The following KIF4A variants were observed in gnomAD, a reference collection of about 807,000 sequenced individuals.
KIF4A encodes kinesin family member 4A.
A neutral mutation model predicts 105.9 loss-of-function variants in KIF4A; 7 were observed. The ratio of observed to expected loss-of-function variants is 0.07; its 90% confidence interval spans 0.04 to 0.12. KIF4A has a LOEUF of 0.12. KIF4A is among the 10% of genes least tolerant of loss of function. KIF4A has a pLI of 1.00. For missense variants in KIF4A, 558 were observed against 929.2 expected (o/e 0.60, Z 5.19); for synonymous variants, 281 against 331.3 (o/e 0.85, Z 1.65).
At chrX:70,360,924 G>C (rs1040274792) in intron 15 of KIF4A, among the ~76,000 whole-genome samples, 1 of 112,959 alleles carries the variant, frequency 8.9e-6, no homozygotes, top group Non-Finnish European at 1.9e-5. Context: ...AGAAAGAGGA[G>C]GGCCCTCCCC....
chrX:70,395,114 C>T (rs926591186), intron 20 of KIF4A, among the ~76,000 whole-genome samples: 2 of 111,407 alleles, frequency 1.8e-5, no homozygotes, highest in African/African-American at 3.3e-5. Flanking sequence ...GGCGTGGTGG[C>T]GCGTGCTTGT....
intron 28 of KIF4A, among the ~76,000 whole-genome samples, chrX:70,414,387 G>T (rs1028114249): frequency 8.1e-5 from 9 of 111,344 alleles, no homozygotes; most frequent in African/African-American, 2.9e-4. Flanking sequence ...ACAAAGATGT[G>T]ACAGGAAAAA....
intron 28 of KIF4A, among the ~76,000 whole-genome samples, chrX:70,408,809 A>G (rs2086309946): frequency 8.9e-6 from 1 of 112,532 alleles, no homozygotes; most frequent in South Asian, 3.7e-4. Context: ...GAAGCCTACC[A>G]TAGAACCTCA....
At chrX:70,329,736 A>G (rs1372061070) in intron 8 of KIF4A, among the ~76,000 whole-genome samples, 1 of 112,342 alleles carries the variant, frequency 8.9e-6, no homozygotes, top group Non-Finnish European at 1.9e-5. Flanking sequence ...TCTGTAGTGC[A>G]CCAACTGTAC....
At chrX:70,366,984 G>T (rs190589008) in intron 15 of KIF4A, among the ~76,000 whole-genome samples, 211 of 112,073 alleles carry the variant, frequency 1.9e-3, no homozygotes, top group African/African-American at 6.5e-3. Context: ...TTGTTGAATT[G>T]ATCCCTTTAC....
At chrX:70,330,416 T>C (rs1268755571) in intron 9 of KIF4A, 84 bp downstream of exon 9, 6 of 931,447 alleles carry the variant, frequency 6.4e-6, no homozygotes, top group Non-Finnish European at 9.1e-6. Context: ...TTCTTCTTTA[T>C]CAGAAGTTTA....
At chrX:70,322,089 C>T (rs982823397) in intron 7 of KIF4A, among the ~76,000 whole-genome samples, 1 of 109,688 alleles carries the variant, frequency 9.1e-6, no homozygotes, top group East Asian at 2.9e-4. Flanking sequence ...TGTCACCCTC[C>T]CCCCCCAAAG....
At chrX:70,366,356 A>G (rs1246821535) in intron 15 of KIF4A, among the ~76,000 whole-genome samples, 2 of 111,680 alleles carry the variant, frequency 1.8e-5, no homozygotes, top group Admixed American at 9.5e-5. Context: ...TGCCAATTTT[A>G]GATCTTTCCT....
chrX:70,333,659 C>T lies in KIF4A; in HGVS notation c.1103C>T (p.Ala368Val), dbSNP rs767263154. 8.3e-7 allele frequency: 1 copy of T among 1,198,493 alleles called. No homozygotes were observed. The highest frequency in any genetic ancestry group is 1.1e-6 in the Non-Finnish European group (1 of 883,834). The change falls in exon 10 of 31, where the codon GCC becomes GTC. Residue 368 changes from alanine (A) to valine (V), a missense_variant. Ala to Val is a moderately conservative substitution (Grantham distance 64). Around this residue, in one of 2 missense-constraint regions of KIF4A, gnomAD observed 469 missense variants for 680.4 expected, o/e 0.69. Transcript: ENST00000374403. ...CAGCTACAAGTCTTGTTGCTACAGG[C>T]CCATGGAGGTACCCTGCCTGGATCT... ...VQQLQVLLLQAHGGTLPGSIT... is the reference protein window; with the variant it reads ...VQQLQVLLLQVHGGTLPGSIT...
At chrX:70,415,861 CTTTTTTTTTTT>C (rs1162374099) in intron 28 of KIF4A, among the ~76,000 whole-genome samples, 11 of 57,436 alleles carry the variant, frequency 1.9e-4, no homozygotes, top group East Asian at 5.2e-4. Flanking sequence ...TGCATTATTT[CTTTTTTTTTTT>C]TTTTTTTTTT....
At chrX:70,310,879 A>T (rs1041644370) in intron 7 of KIF4A, among the ~76,000 whole-genome samples, 1 of 111,137 alleles carries the variant, frequency 9.0e-6, no homozygotes, top group Non-Finnish European at 1.9e-5. Context: ...TAATCTCAGC[A>T]TTTTGGGAGG....
At chrX:70,336,885 C>G (rs1278965600) in intron 10 of KIF4A, among the ~76,000 whole-genome samples, 1 of 111,438 alleles carries the variant, frequency 9.0e-6, no homozygotes, top group Non-Finnish European at 1.9e-5. Context: ...AACTCTATAC[C>G]CACTAAACAA....
chrX:70,373,827 TACAC>T (rs201449631), intron 15 of KIF4A, among the ~76,000 whole-genome samples: 5 of 28,785 alleles, frequency 1.7e-4, no homozygotes, highest in Non-Finnish European at 2.3e-4. Flanking sequence ...CACACACATG[TACAC>T]ACACACACAC....
chrX:70,350,563 T>C (rs947979837), intron 13 of KIF4A, among the ~76,000 whole-genome samples: 72 of 109,311 alleles, frequency 6.6e-4, no homozygotes, highest in Non-Finnish European at 1.2e-3. Context: ...TGCACACTTG[T>C]AGTCCCAGCT....
intron 1 of KIF4A, 130 bp downstream of exon 1, chrX:70,290,280 T>G: frequency 1.8e-6 from 1 of 560,066 alleles, no homozygotes. Flanking sequence ...CTCTTTAGAG[T>G]GCAGGGCTGA....
intron 13 of KIF4A, among the ~76,000 whole-genome samples, chrX:70,349,274 T>G (rs1375838215): frequency 1.1e-4 from 4 of 35,289 alleles, no homozygotes; most frequent in Non-Finnish European, 1.5e-4. Context: ...TCCCAGACAA[T>G]GGGCGGCTGG....
At chrX:70,336,028 TTGTACAAATGAACAGATACCTG>T (rs1289461163) in intron 10 of KIF4A, among the ~76,000 whole-genome samples, 1 of 112,179 alleles carries the variant, frequency 8.9e-6, no homozygotes, top group African/African-American at 3.2e-5. Flanking sequence ...TGTATTTCTT[TTGTACAAATGAACAGATACCTG>T]TGTATTTTAT....
rs756967118 is a variant in KIF4A at position 70,323,761 on chromosome X, T to G, written c.779-5644T>G. ...TTTTTAAGTAAATTGCACAAATTAATATACTTCCTCCTAACTACTTCAGCT... is the reference window on the plus strand; with the variant it reads ...TTTTTAAGTAAATTGCACAAATTAAGATACTTCCTCCTAACTACTTCAGCT... On this transcript the variant is annotated intron_variant, in intron 7 of 30. Transcript: ENST00000374403. Among the ~76,000 whole-genome samples, 698 of 111,358 alleles carry G rather than the reference T, an allele frequency of 6.3e-3. 6 individuals are homozygous for G. Among genetic ancestry groups the G allele is most frequent in the African/African-American group, 0.021 (654 of 30,720 alleles).
At chrX:70,350,672 G>A (rs1372637660) in intron 13 of KIF4A, among the ~76,000 whole-genome samples, 2 of 111,390 alleles carry the variant, frequency 1.8e-5, no homozygotes, top group East Asian at 5.6e-4. Flanking sequence ...GTGAAAGAGC[G>A]AGACTCTGTC....
Sources: allele counts gnomAD v4.1 joint callset (sites outside exome capture counted in the v4.1 genomes callset), GRCh38; gene constraint gnomAD v4.1.1; regional missense constraint gnomAD v4.1.1; transcripts MANE v1.5; gene names NCBI Gene and HGNC (gene_info 2026-07-23, HGNC 2026-07-21).